Variants in SUPT6H observed in about 807,000 individuals in gnomAD.
SUPT6H encodes transcription elongation factor SPT6.
Under a neutral mutation model 222.3 loss-of-function variants are expected in SUPT6H, and 11 were observed. That is an observed-to-expected ratio of 0.05 (90% CI 0.03 to 0.08). The LOEUF is 0.08. Ranked by LOEUF, SUPT6H falls within the 10% of genes least tolerant of loss-of-function variation. The probability of loss-of-function intolerance (pLI) is 1.00; values close to 1 mark genes in which losing one functional copy is unlikely to be tolerated. For missense variants in SUPT6H, 1,422 were observed against 2,216.0 expected, an observed-to-expected ratio of 0.64 and a Z score of 7.19; for synonymous variants, 762 against 801.2, an observed-to-expected ratio of 0.95 and a Z score of 0.83.
intron 17 of SUPT6H, among the ~76,000 whole-genome samples, chr17:28,684,221 C>A (rs995987650): frequency 4.0e-5 from 6 of 151,840 alleles, no homozygotes; most frequent in Non-Finnish European, 7.4e-5. Context: ...TGAAGGAACC[C>A]CTTAGGAATA....
At chr17:28,689,278 C>A in intron 24 of SUPT6H, 76 bp from the exon 25 acceptor site, 1 of 1,387,648 alleles carries the variant, frequency 7.2e-7, no homozygotes, top group South Asian at 1.2e-5. Context: ...TTAACCAGTT[C>A]CCCATTGGTG....
At chr17:28,691,294 G>A in intron 27 of SUPT6H, 2 of 478,830 alleles carry the variant, frequency 4.2e-6, no homozygotes, top group Admixed American at 3.4e-5. Context: ...TGGGGGCCAA[G>A]GTGGGCGGTT....
chr17:28,700,578 C>A, intron 35 of SUPT6H, 66 bp downstream of exon 35: 1 of 1,556,462 alleles, frequency 6.4e-7, no homozygotes, highest in African/African-American at 1.4e-5. Flanking sequence ...CTCGCATTGC[C>A]CACAAGGGGC....
intron 17 of SUPT6H, 148 bp from the exon 18 acceptor site, chr17:28,684,438 G>A: frequency 4.5e-6 from 4 of 897,564 alleles, no homozygotes; most frequent in South Asian, 3.3e-5. Context: ...CCTTCAGGTG[G>A]TAAGCCTGCC....
Position 28,682,985 on chromosome 17 carries a change from A to G in SUPT6H, c.1771A>G (p.Met591Val). 2 of 1,613,738 alleles carry G rather than the reference A, an allele frequency of 1.2e-6. No individual in the cohort carries two copies. The highest frequency in any genetic ancestry group is 1.1e-5 in the South Asian group (1 of 91,048). ...PEAVLEGARY[M>V]VALQIAREPL... ...AGCTGTGCTAGAAGGCGCCCGCTAC[A>G]TGGTAGCCCTGCAGATTGCCCGTGA... The change falls in exon 15 of 37, where the codon ATG becomes GTG. Residue 591 changes from methionine to valine, a missense_variant. By Grantham distance (21) the Met-to-Val change is conservative (BLOSUM62 1). Transcript: ENST00000314616.
intron 19 of SUPT6H, among the ~76,000 whole-genome samples, chr17:28,685,650 A>G (rs2151639640): frequency 6.6e-6 from 1 of 152,076 alleles, no homozygotes; most frequent in Non-Finnish European, 1.5e-5. Flanking sequence ...CGCCTGTCTA[A>G]TTTTTGTATT....
intron 2 of SUPT6H, chr17:28,673,746 A>T (rs1476771912): frequency 4.0e-6 from 2 of 502,722 alleles, no homozygotes; most frequent in African/African-American, 3.8e-5. Flanking sequence ...AGTTTACTTT[A>T]GTTGGGGGGT....
chr17:28,681,560 A>G (rs534791784), intron 12 of SUPT6H, among the ~76,000 whole-genome samples, 156 bp downstream of exon 12: 4 of 152,246 alleles, frequency 2.6e-5, no homozygotes, highest in Admixed American at 2.0e-4. Context: ...CATCTCTACT[A>G]AAAATACAAA....
chr17:28,681,736 A>G, intron 12 of SUPT6H, 146 bp from the exon 13 acceptor site: 1 of 714,112 alleles, frequency 1.4e-6, no homozygotes, highest in Admixed American at 3.0e-5. Flanking sequence ...AAAAATCAAG[A>G]AAGAAAACCC....
intron 2 of SUPT6H, 73 bp downstream of exon 2, chr17:28,673,583 A>G: frequency 8.5e-7 from 1 of 1,173,126 alleles, no homozygotes; most frequent in East Asian, 2.5e-5. Context: ...TGCTGATGAA[A>G]AGCTCAGGCT....
chr17:28,672,518 A>G (rs1414035387), intron 1 of SUPT6H: 2 of 151,160 alleles, frequency 1.3e-5, no homozygotes, highest in East Asian at 3.9e-4. Context: ...GGGTCAAACC[A>G]TTCTCCTGCC....
Position 28,687,123 on chromosome 17 carries a change from G to C in SUPT6H, c.2736G>C (p.Gln912His). Residue 912 changes from glutamine to histidine, a missense_variant, in exon 22 of 37, where the codon CAG becomes CAC. Physicochemically the swap from Gln to His is conservative, Grantham distance 24. Coordinates refer to ENST00000314616, the MANE Select transcript of SUPT6H (RefSeq NM_003170.5). ...EFRDYPPVLR[Q>H]AVSLARRIQD... Reference sequence around the variant, plus strand: ...GGGATTATCCTCCAGTGCTGAGACAGGCCGTCTCCCTGGCCCGGCGCATCC... The same window carrying C: ...GGGATTATCCTCCAGTGCTGAGACACGCCGTCTCCCTGGCCCGGCGCATCC... 2 of 1,613,864 alleles carry C rather than the reference G, an allele frequency of 1.2e-6. No individual in the cohort carries two copies. Among genetic ancestry groups the C allele is most frequent in the Non-Finnish European group, 1.7e-6 (2 of 1,180,048 alleles).
At chr17:28,683,852 T>TC (rs2031246275) in intron 17 of SUPT6H, 36 bp downstream of exon 17, 1 of 1,409,856 alleles carries the variant, frequency 7.1e-7, no homozygotes, top group Non-Finnish European at 9.7e-7. Context: ...TTTTTTTTTT[T>TC]GGTGACAGAG....
At chr17:28,700,726 G>T (rs905208102) in intron 35 of SUPT6H, 2 of 922,916 alleles carry the variant, frequency 2.2e-6, no homozygotes, top group Admixed American at 2.8e-5. Flanking sequence ...TTTGGAACCC[G>T]CAAGCCACCA....
At chr17:28,670,271 G>A (rs565724693) in intron 1 of SUPT6H, 2 of 152,358 alleles carry the variant, frequency 1.3e-5, no homozygotes, top group South Asian at 2.1e-4. Flanking sequence ...AGAGAGAAGT[G>A]TGCTGTAACT....
intron 13 of SUPT6H, among the ~76,000 whole-genome samples, chr17:28,682,454 A>G (rs1480537453): frequency 1.3e-5 from 2 of 151,962 alleles, no homozygotes; most frequent in East Asian, 3.9e-4. Flanking sequence ...GCAAAACTAC[A>G]AAAAATACAG....
chr17:28,677,504 C>A (rs1247975418), intron 7 of SUPT6H, among the ~76,000 whole-genome samples: 2 of 151,552 alleles, frequency 1.3e-5, no homozygotes, highest in Non-Finnish European at 2.9e-5. Context: ...TAGATCGCGC[C>A]GTTGTGTTCC....
rs756372738 is a variant in SUPT6H, at chr17:28,676,432, T to TA, written c.897+8dup. Reference sequence around the variant, plus strand: ...ACTGACCTGCCTGAGAGGTTCCAGGTAAAAAACCACCAGCCTCTGCTCTTC... The same window carrying TA: ...ACTGACCTGCCTGAGAGGTTCCAGGTAAAAAAACCACCAGCCTCTGCTCTTC... On this transcript the variant is annotated splice_region_variant and intron_variant, in intron 7 of 36. Coordinates refer to ENST00000314616, the MANE Select transcript of SUPT6H (RefSeq NM_003170.5). 5 of 1,613,376 alleles carry TA rather than the reference T, an allele frequency of 3.1e-6. No individual in the cohort carries two copies. Among genetic ancestry groups the TA allele is most frequent in the African/African-American group, 2.7e-5 (2 of 74,800 alleles).
chr17:28,679,815 C>T (rs1254370698), intron 11 of SUPT6H, among the ~76,000 whole-genome samples: 2 of 151,156 alleles, frequency 1.3e-5, no homozygotes, highest in Admixed American at 6.6e-5. Flanking sequence ...CACAGTGAAA[C>T]CCTGTCTTTA....
Sources: gnomAD v4.1 joint callset for allele counts (sites outside exome capture counted in the v4.1 genomes callset) on GRCh38, gnomAD v4.1.1 for gene constraint, MANE v1.5 for transcripts, NCBI Gene and HGNC (gene_info 2026-07-23, HGNC 2026-07-21) for gene names.